GSE1: variants seen among roughly 807,000 people sequenced by gnomAD.
GSE1 encodes Gse1 coiled-coil protein.
GSE1 carries 32 observed loss-of-function variants against 112.6 expected under a neutral mutation model. That is an observed-to-expected ratio of 0.28 (90% CI 0.21 to 0.38). The LOEUF is 0.38. Among genes scored for constraint, GSE1 ranks in the 10% least tolerant of loss-of-function variants. The pLI, the probability that GSE1 is intolerant of heterozygous loss-of-function variation, is 1.00. For synonymous variants in GSE1, 1,115 were observed against 735.6 expected (o/e 1.52, Z -8.35); for missense variants, 2,348 against 1,699.2 (o/e 1.38, Z -6.71).
chr16:85,194,108 C>T (rs200595679), intron 1 of GSE1, among the ~76,000 whole-genome samples: 3 of 152,194 alleles, frequency 2.0e-5, no homozygotes, highest in Non-Finnish European at 2.9e-5. Context: ...GACTCAACGA[C>T]GTAGCAGAGC....
upstream of GSE1, among the ~76,000 whole-genome samples, chr16:85,612,894 A>C (rs1016073355): frequency 1.3e-5 from 2 of 151,246 alleles, no homozygotes; most frequent in African/African-American, 4.9e-5. Flanking sequence ...GGCTCCGCTC[A>C]CGTGGCGAGG....
In GSE1 at chr16:85,366,085, G is replaced by T. The variant is rs115089350; in HGVS notation, c.2464+8442G>T. ...TTTGTCTCTTTTTTGTTGGGCAAAT[G>T]GGCTCCCAGCCGGGCTTGGGCCTCC... On this transcript the variant is annotated intron_variant, in intron 2 of 2. Transcript: ENST00000637419. Among the ~76,000 whole-genome samples the T allele has an allele frequency of 7.4e-3, 1,133 of 152,334 alleles. 15 individuals carry two copies. The highest frequency in any genetic ancestry group is 0.026 in the African/African-American group (1,093 of 41,572).
At chr16:85,515,138 C>G (rs1436889757) in intron 2 of GSE1, among the ~76,000 whole-genome samples, 3 of 152,184 alleles carry the variant, frequency 2.0e-5, no homozygotes, top group African/African-American at 7.2e-5. Flanking sequence ...CTTGCTGCTC[C>G]CAGTGTGCCT....
chr16:85,667,860 A>G (rs924313058), intron 13 of GSE1, among the ~76,000 whole-genome samples: 1 of 151,888 alleles, frequency 6.6e-6, no homozygotes, highest in African/African-American at 2.4e-5. Context: ...GGGCAGCCAA[A>G]ACAAAAAATG....
At chr16:85,437,346 C>T (rs2049272814) in intron 2 of GSE1, among the ~76,000 whole-genome samples, 1 of 152,170 alleles carries the variant, frequency 6.6e-6, no homozygotes, top group Non-Finnish European at 1.5e-5. Flanking sequence ...GAAGAACTGG[C>T]CTCCTGGAAG....
At chr16:85,613,174 G>C (rs940718870), upstream of GSE1, 2 of 1,391,584 alleles carry the variant, frequency 1.4e-6, no homozygotes, top group East Asian at 3.0e-5. Context: ...AGCCGGGAGC[G>C]AGCCAGTGGC....
At chr16:85,561,896 A>T (rs899476066) in intron 1 of GSE1, among the ~76,000 whole-genome samples, 2 of 152,216 alleles carry the variant, frequency 1.3e-5, no homozygotes, top group African/African-American at 4.8e-5. Context: ...GCAGGGGCTC[A>T]GGCCCACCTG....
At chr16:85,641,803 C>T (rs776287982) in intron 2 of GSE1, among the ~76,000 whole-genome samples, 6 of 152,378 alleles carry the variant, frequency 3.9e-5, no homozygotes, top group Admixed American at 2.0e-4. Context: ...GCTCCTGTCC[C>T]ACTTCCCTAC....
At chr16:85,540,292 T>C (rs1230747661) in intron 2 of GSE1, among the ~76,000 whole-genome samples, 2 of 152,206 alleles carry the variant, frequency 1.3e-5, no homozygotes, top group East Asian at 3.9e-4. Flanking sequence ...CAGGCCTTGA[T>C]GTTCAATGGG....
chr16:85,614,359 C>G (rs888334359), intron 1 of GSE1, among the ~76,000 whole-genome samples: 1 of 152,154 alleles, frequency 6.6e-6, no homozygotes, highest in African/African-American at 2.4e-5. Context: ...ATTAAATTCC[C>G]TTCATGGAGG....
rs58370305 is a variant in GSE1 at position 85,570,445 on chromosome 16, G to A, written c.37+14082G>A. On this transcript the variant is annotated intron_variant, in intron 1 of 2. Transcript: ENST00000635906. ...ACACCTGCTGTGTGACAAAGTCGTG[G>A]CACTTGATCCCAGCCTGCAGAGAGA... is the stretch of plus-strand genomic sequence containing the variant. Among the ~76,000 whole-genome samples, 513 of 152,342 alleles carry A rather than the reference G, an allele frequency of 3.4e-3. 4 individuals are homozygous for A. Among genetic ancestry groups the A allele is most frequent in the African/African-American group, 0.012 (500 of 41,572 alleles).
chr16:85,591,976 C>T (rs1164731807), intron 1 of GSE1, among the ~76,000 whole-genome samples: 3 of 152,140 alleles, frequency 2.0e-5, no homozygotes, highest in Admixed American at 1.3e-4. Context: ...CAATGAGGAT[C>T]GGATGCACTC....
At chr16:85,282,126 C>G (rs977413905) in intron 1 of GSE1, among the ~76,000 whole-genome samples, 2 of 151,812 alleles carry the variant, frequency 1.3e-5, no homozygotes, top group Non-Finnish European at 2.9e-5. Context: ...CTCCTGGGTT[C>G]AAGTGATTCT....
At chr16:85,330,377 G>T (rs2046312458) in intron 1 of GSE1, among the ~76,000 whole-genome samples, 1 of 152,218 alleles carries the variant, frequency 6.6e-6, no homozygotes, top group Admixed American at 6.5e-5. Flanking sequence ...CTGGAAGAAA[G>T]GACGGGTAAC....
At chr16:85,292,204 T>A (rs1422634664) in intron 1 of GSE1, among the ~76,000 whole-genome samples, 1 of 151,380 alleles carries the variant, frequency 6.6e-6, no homozygotes, top group East Asian at 1.9e-4. Flanking sequence ...AGTGGCGCAA[T>A]CTTGGCTCAC....
At chr16:85,492,394 C>T (rs1247405408) in intron 2 of GSE1, among the ~76,000 whole-genome samples, 2 of 152,258 alleles carry the variant, frequency 1.3e-5, no homozygotes, top group Non-Finnish European at 2.9e-5. Flanking sequence ...CCTTGCTGCA[C>T]GCTACTTTCT....
intron 1 of GSE1, among the ~76,000 whole-genome samples, chr16:85,255,558 C>T (rs567783177): frequency 6.6e-6 from 1 of 151,910 alleles, no homozygotes; most frequent in South Asian, 2.1e-4. Context: ...ATTACAGGCG[C>T]CCACCACCAC....
chr16:85,254,803 G>C (rs1369658056), intron 1 of GSE1, among the ~76,000 whole-genome samples: 1 of 152,214 alleles, frequency 6.6e-6, no homozygotes, highest in East Asian at 1.9e-4. Flanking sequence ...GCAGGAGCTG[G>C]CCTAGAGCCC....
chr16:85,205,345 T>TG (rs2075097180), intron 1 of GSE1, among the ~76,000 whole-genome samples: 10 of 152,166 alleles, frequency 6.6e-5, no homozygotes, highest in Admixed American at 6.5e-4. Context: ...TTGGCCAGGC[T>TG]GGTCTTGAAC....
Sources: gnomAD v4.1 joint callset for allele counts (sites outside exome capture counted in the v4.1 genomes callset) on GRCh38, gnomAD v4.1.1 for gene constraint, MANE v1.5 for transcripts, NCBI Gene and HGNC (gene_info 2026-07-23, HGNC 2026-07-21) for gene names.